TMPRSS13: variants seen among roughly 807,000 people sequenced by gnomAD.
The protein encoded by TMPRSS13 is transmembrane serine protease 13, also known as transmembrane protease serine 13.
A neutral mutation model predicts 68.4 loss-of-function variants in TMPRSS13; 50 were observed. The observed-to-expected ratio is 0.73, with a 90% CI of 0.58 to 0.93. The LOEUF (loss-of-function observed/expected upper bound fraction) is 0.93. Among genes scored for constraint, TMPRSS13 ranks in the 40% least tolerant of loss-of-function variants. TMPRSS13 has a pLI of 0.00. For missense variants in TMPRSS13, 615 were observed against 729.2 expected (o/e 0.84, Z 1.80); for synonymous variants, 267 against 285.8 (o/e 0.93, Z 0.66).
Position 117,914,260 on chromosome 11 carries a change from AACATGCACATACACAC to A in TMPRSS13, c.679+116_679+131del. On this transcript the variant is annotated intron_variant, in intron 4 of 12. Coordinates refer to ENST00000524993, the MANE Select transcript of TMPRSS13 (RefSeq NM_001077263.3). The surrounding 1 kb of genome is among the most constrained non-coding windows in gnomAD (Gnocchi z 4.2). ...ACACACACATACATGCATACACACA[AACATGCACATACACAC>A]ACATGCACGCACACATATACACACA... The A allele has an allele frequency of 7.9e-7, 1 of 1,259,196 alleles. No homozygotes were observed. The highest frequency in any genetic ancestry group is 1.1e-6 in the Non-Finnish European group (1 of 888,762). 78.0% of individuals were successfully genotyped at this position (1,259,196 alleles called of 1,614,324 possible).
Position 117,909,919 on chromosome 11 carries a change from G to T in TMPRSS13, c.996C>A (p.Ala332=). The T allele has an allele frequency of 2.5e-6, 4 of 1,614,206 alleles. No homozygotes were observed. The highest frequency in any genetic ancestry group is 3.4e-6 in the Non-Finnish European group (4 of 1,180,038). Reference sequence around the variant, plus strand: ...CTTGCCAAGGCCACTTGCTATCCGAGGCCAGCGCCCCTCCCACGATCCGCC... The same window carrying T: ...CTTGCCAAGGCCACTTGCTATCCGATGCCAGCGCCCCTCCCACGATCCGCC... ...MTGRIVGGAL[A]SDSKWPWQVS... is the part of the protein sequence containing the mutation. The change falls in exon 8 of 13, where the codon GCC becomes GCA. Residue 332 remains alanine, a synonymous_variant. Transcript: ENST00000524993.
At chr11:117,908,363 C>G in intron 9 of TMPRSS13, 1 of 611,810 alleles carries the variant, frequency 1.6e-6, no homozygotes, top group Non-Finnish European at 2.9e-6. Context: ...AGTACCCAAG[C>G]CCTGACTCCG....
rs2057558756 is a variant in TMPRSS13 at position 117,914,745 on chromosome 11, CAGAAAGAGAG to C, written c.557-241_557-232del. On this transcript the variant is annotated intron_variant, in intron 3 of 12. Transcript: ENST00000524993. This position sits in a 1 kb window ranked among gnomAD's most constrained non-coding sequence, Gnocchi z 4.2. Reference sequence around the variant, plus strand: ...AGGCAGATTCAAGCAGCCAGCCACCCAGAAAGAGAGAGAAAGAGAGAGAGAGACAGAGAGT... The same window carrying C: ...AGGCAGATTCAAGCAGCCAGCCACCCAGAAAGAGAGAGAGAGACAGAGAGT... Among the ~76,000 whole-genome samples the C allele has an allele frequency of 6.6e-6, 1 of 152,098 alleles. No individual in the cohort carries two copies.
In TMPRSS13 at chr11:117,922,328, G is replaced by A. The variant is rs1473313341; in HGVS notation, c.22-3490C>T. Among the ~76,000 whole-genome samples the A allele has an allele frequency of 2.0e-5, 3 of 152,108 alleles. No individual in the cohort carries two copies. Among genetic ancestry groups the A allele is most frequent in the Non-Finnish European group, 2.9e-5 (2 of 68,028 alleles). ...CGGCTCACTGCAACCTCCACCTCCC[G>A]GGTTCAAGTGATTCTCCTTCCTCAG... On this transcript the variant is annotated intron_variant, in intron 1 of 12. Transcript: ENST00000524993. The surrounding 1 kb of genome is among the most constrained non-coding windows in gnomAD (Gnocchi z 4.2).
intron 1 of TMPRSS13, among the ~76,000 whole-genome samples, chr11:117,923,709 T>C (rs12277567): frequency 2.0e-5 from 3 of 151,712 alleles, no homozygotes. Context: ...GGGGGAGGGA[T>C]AGCATTAGGA....
At chr11:117,905,792 G>C (rs2057459154) in intron 9 of TMPRSS13, 56 bp from the exon 10 acceptor site, 3 of 1,431,404 alleles carry the variant, frequency 2.1e-6, no homozygotes, top group Non-Finnish European at 2.9e-6. Context: ...TTTCAGTAGG[G>C]GGAGGGAGAA....
chr11:117,919,615 A>G (rs1293302178), intron 1 of TMPRSS13, among the ~76,000 whole-genome samples: 6 of 152,242 alleles, frequency 3.9e-5, no homozygotes, highest in African/African-American at 1.4e-4. Flanking sequence ...TTCAGGGGGA[A>G]TTCCCATAAG....
intron 1 of TMPRSS13, among the ~76,000 whole-genome samples, chr11:117,920,055 A>G (rs2057627544): frequency 6.6e-6 from 1 of 152,074 alleles, no homozygotes; most frequent in African/African-American, 2.4e-5. Context: ...GGGCCCTGTG[A>G]CCTGCCAAGA....
intron 12 of TMPRSS13, among the ~76,000 whole-genome samples, chr11:117,902,711 A>T (rs2057420251): frequency 6.6e-6 from 1 of 152,252 alleles, no homozygotes; most frequent in African/African-American, 2.4e-5. Flanking sequence ...GGAGAGTGGC[A>T]CTGGGGCTGG....
rs184741634 is a variant in TMPRSS13, at chr11:117,926,495, G to C, written c.21+2792C>G. On this transcript the variant is annotated intron_variant, in intron 1 of 12. Coordinates refer to ENST00000524993, the MANE Select transcript of TMPRSS13 (RefSeq NM_001077263.3). Reference sequence around the variant, plus strand: ...AGCACCTGTGGCCTTGGGCTAATTTGGAACCTGTTCCACTTGAAGAAGGCC... The same window carrying C: ...AGCACCTGTGGCCTTGGGCTAATTTCGAACCTGTTCCACTTGAAGAAGGCC... Among the ~76,000 whole-genome samples, 294 of 152,348 alleles carry C rather than the reference G, an allele frequency of 1.9e-3. 1 individual carries two copies. Among genetic ancestry groups the C allele is most frequent in the Non-Finnish European group, 3.5e-3 (238 of 68,036 alleles).
intron 1 of TMPRSS13, among the ~76,000 whole-genome samples, chr11:117,926,041 G>A (rs914979778): frequency 6.6e-6 from 1 of 151,816 alleles, no homozygotes; most frequent in Non-Finnish European, 1.5e-5. Flanking sequence ...AGGACGAGGT[G>A]AAGGCTGCAC....
At chr11:117,904,745 T>TTAA (rs949223992) in intron 10 of TMPRSS13, among the ~76,000 whole-genome samples, 1 of 146,412 alleles carries the variant, frequency 6.8e-6, no homozygotes, top group African/African-American at 2.7e-5. Context: ...ATCATCTTGT[T>TTAA]TAAGGCCAGA....
chr11:117,925,002 C>A (rs76014645), intron 1 of TMPRSS13, among the ~76,000 whole-genome samples: 4,643 of 152,272 alleles, frequency 0.03, 142 homozygotes, highest in East Asian at 0.15. Context: ...GCTCCTAGGC[C>A]GCCGTGTGAC....
Position 117,918,760 on chromosome 11 carries a change from C to A in TMPRSS13, c.100G>T (p.Ala34Ser). The A allele has an allele frequency of 6.2e-7, 1 of 1,611,620 alleles. No individual in the cohort carries two copies. Among genetic ancestry groups the A allele is most frequent in the Non-Finnish European group, 8.5e-7 (1 of 1,179,622 alleles). Residue 34 changes from alanine to serine, a missense_variant, in exon 2 of 13, where the codon GCA becomes TCA. Ala to Ser is a moderately conservative substitution (Grantham distance 99). Coordinates refer to ENST00000524993, the MANE Select transcript of TMPRSS13 (RefSeq NM_001077263.3). ...GCTGGAGATGCCTGGGCTGGAGATG[C>A]CCGGCCTGGAGGTGTCCCAGCTGGA... ...ASPAGTPPGR[A>S]SPAQASPAQA... is the part of the protein sequence containing the mutation.
chr11:117,903,641 T>C lies in TMPRSS13; in HGVS notation c.1677+14A>G. ...CAGCCTGCTGGGTGCAGTGTCCTGC[T>C]GCAGGGATCTTACCTCCATCTTGCT... On this transcript the variant is annotated intron_variant, in intron 12 of 12. Transcript: ENST00000524993. The C allele has an allele frequency of 6.2e-7, 1 of 1,614,150 alleles. No individual in the cohort carries two copies. Among genetic ancestry groups the C allele is most frequent in the Non-Finnish European group, 8.5e-7 (1 of 1,180,018 alleles).
chr11:117,923,623 G>A (rs1228460031), intron 1 of TMPRSS13, among the ~76,000 whole-genome samples: 1 of 152,010 alleles, frequency 6.6e-6, no homozygotes. Context: ...AAGCTCTCCC[G>A]CAATTGAACA....
intron 1 of TMPRSS13, among the ~76,000 whole-genome samples, chr11:117,923,631 A>G (rs921186409): frequency 6.6e-6 from 1 of 152,052 alleles, no homozygotes; most frequent in African/African-American, 2.4e-5. Flanking sequence ...CCGCAATTGA[A>G]CAATGAGAAC....
intron 6 of TMPRSS13, 90 bp downstream of exon 6, chr11:117,911,678 G>T: frequency 2.0e-6 from 2 of 1,008,188 alleles, no homozygotes; most frequent in Non-Finnish European, 3.0e-6. Context: ...TACTAGAAAA[G>T]CCAGTGAAGG....
intron 12 of TMPRSS13, 94 bp downstream of exon 12, chr11:117,903,561 G>A: frequency 6.3e-7 from 1 of 1,595,170 alleles, no homozygotes. Context: ...GACGCTGAGG[G>A]GACCTCTGCC....
Sources: gnomAD v4.1 joint callset for allele counts (sites outside exome capture counted in the v4.1 genomes callset) on GRCh38, gnomAD v4.1.1 for gene constraint, Gnocchi (gnomAD v3.1) non-coding constraint, MANE v1.5 for transcripts, NCBI Gene and HGNC (gene_info 2026-07-23, HGNC 2026-07-21) for gene names.